Variants in FMN2 observed in about 807,000 individuals in gnomAD.
The protein encoded by FMN2 is formin 2.
In FMN2, 51 loss-of-function variants were observed where a neutral mutation model predicts 142.3. The observed-to-expected ratio is 0.36, with a 90% CI of 0.29 to 0.45. The LOEUF (loss-of-function observed/expected upper bound fraction) is 0.45. Ranked by LOEUF, FMN2 falls within the 20% of genes least tolerant of loss-of-function variation. FMN2 has a pLI of 1.00. For synonymous variants in FMN2, 882 were observed against 869.8 expected, an observed-to-expected ratio of 1.01 and a Z score of -0.25; for missense variants, 1,936 against 2,122.8, an observed-to-expected ratio of 0.91 and a Z score of 1.73.
chr1:240,092,362 T>C lies in FMN2; in HGVS notation c.253T>C (p.Ser85Pro), dbSNP rs1213234881. The C allele has an allele frequency of 6.2e-7, 1 of 1,609,092 alleles. No homozygotes were observed. Among genetic ancestry groups the C allele is most frequent in the African/African-American group, 1.3e-5 (1 of 74,720 alleles). ...FSNLRIRKNLSKGKGAGGSRE... is the reference protein window; with the variant it reads ...FSNLRIRKNLPKGKGAGGSRE... ...CAACCTGCGGATCAGGAAGAATCTG[T>C]CCAAGGGGAAAGGCGCCGGCGGCTC... The change falls in exon 1 of 18, where the codon TCC (serine) becomes CCC (proline). Residue 85 changes from serine (S) to proline (P), a missense_variant. Physicochemically the swap from Ser to Pro is moderately conservative, Grantham distance 74. Coordinates refer to ENST00000319653, the MANE Select transcript of FMN2 (RefSeq NM_020066.5).
chr1:240,363,791 C>T (rs1411820324), intron 14 of FMN2, among the ~76,000 whole-genome samples: 1 of 152,122 alleles, frequency 6.6e-6, no homozygotes, highest in Non-Finnish European at 1.5e-5. Flanking sequence ...TGCCCTTGTA[C>T]TACCTTGTCC....
chr1:240,415,627 C>G (rs12138124), intron 15 of FMN2, among the ~76,000 whole-genome samples: 112,570 of 152,084 alleles, frequency 0.74, 43,361 homozygotes, highest in Middle Eastern at 0.85. Flanking sequence ...CACCTGCACT[C>G]GGTGTAAAAA....
rs531477121 is a variant in FMN2, at chr1:240,270,622, AAATATAT to A, written c.4153+12599_4153+12605del. Reference sequence around the variant, plus strand: ...TGTCCATCAACAGATGATTGCATTAAAATATATAATATATATATACACAATGAAATAC... The same window carrying A: ...TGTCCATCAACAGATGATTGCATTAAAATATATATATACACAATGAAATAC... On this transcript the variant is annotated intron_variant, in intron 7 of 17. Coordinates refer to ENST00000319653, the MANE Select transcript of FMN2 (RefSeq NM_020066.5). 3.5e-3 allele frequency among the ~76,000 whole-genome samples: 537 copies of A among 152,208 alleles called. 1 individual carries two copies. Among genetic ancestry groups the A allele is most frequent in the Non-Finnish European group, 3.5e-3 (239 of 67,984 alleles).
At chr1:240,440,601 G>A (rs1675577256) in intron 16 of FMN2, among the ~76,000 whole-genome samples, 1 of 152,138 alleles carries the variant, frequency 6.6e-6, no homozygotes, top group South Asian at 2.1e-4. Context: ...TTGCGAATTG[G>A]CAGTTTACAA....
intron 14 of FMN2, among the ~76,000 whole-genome samples, chr1:240,361,096 T>A (rs1183603780): frequency 1.4e-5 from 2 of 145,552 alleles, no homozygotes; most frequent in African/African-American, 2.5e-5. Flanking sequence ...ATTGTGCACA[T>A]GTACCCTAGA....
chr1:240,130,856 G>A (rs1031750809), intron 2 of FMN2, among the ~76,000 whole-genome samples: 1 of 151,708 alleles, frequency 6.6e-6, no homozygotes, highest in Non-Finnish European at 1.5e-5. Flanking sequence ...TTTAGGTCAG[G>A]TTCTTCGTAT....
chr1:240,334,373 C>T, intron 13 of FMN2, 144 bp downstream of exon 13: 1 of 988,864 alleles, frequency 1.0e-6, no homozygotes. Flanking sequence ...AACAATTTTG[C>T]CTATATTCTT....
Position 240,092,043 on chromosome 1 carries a change from TG to T in FMN2, c.-63del. The T allele has an allele frequency of 6.7e-7, 1 of 1,491,194 alleles. No individual in the cohort carries two copies. Among genetic ancestry groups the T allele is most frequent in the Non-Finnish European group, 8.9e-7 (1 of 1,124,976 alleles). 92.4% of individuals were successfully genotyped at this position (1,491,194 alleles called of 1,614,324 possible). A position where few individuals can be genotyped will look rare whatever the true frequency, so the allele number is the denominator to read the frequency against. ...CCGGGAGACTCCCTAGGCCCGGACC[TG>T]GGGCCGAGGAGGGCCGGGATGGCCT... On this transcript the variant is annotated 5_prime_UTR_variant, in exon 1 of 18. The change abolishes the stop of an existing upstream ORF in the 5' untranslated region. Transcript: ENST00000319653.
intron 15 of FMN2, among the ~76,000 whole-genome samples, chr1:240,416,107 A>G (rs932181097): frequency 1.3e-5 from 2 of 152,110 alleles, no homozygotes; most frequent in African/African-American, 4.8e-5. Context: ...GCCTGGGGGA[A>G]GTAACTCCTC....
chr1:240,309,562 C>T (rs567820613), intron 8 of FMN2, among the ~76,000 whole-genome samples: 10 of 152,244 alleles, frequency 6.6e-5, no homozygotes, highest in South Asian at 2.1e-4. Flanking sequence ...CTCTGCACTC[C>T]GGGTATGCTG....
At chr1:240,160,639 A>C (rs760508125) in intron 2 of FMN2, among the ~76,000 whole-genome samples, 2 of 151,934 alleles carry the variant, frequency 1.3e-5, no homozygotes, top group African/African-American at 2.4e-5. Flanking sequence ...AATTATAAGA[A>C]ATCTACAGCA....
At position 240,186,332 on chromosome 1, in the gene FMN2, A is replaced by G. The variant is rs142806089; in HGVS notation, c.1931-1875A>G. 8.4e-3 allele frequency among the ~76,000 whole-genome samples: 1,281 copies of G among 152,286 alleles called. 5 individuals are homozygous for G. The highest frequency in any genetic ancestry group is 0.014 in the South Asian group (69 of 4,824). On this transcript the variant is annotated intron_variant, in intron 3 of 17. Coordinates refer to ENST00000319653, the MANE Select transcript of FMN2 (RefSeq NM_020066.5). ...TCATTCACTCCTACAATTACTCAAC[A>G]AATATTTTAAGCACCTACTAAGTAC...
At chr1:240,178,209 G>A in intron 3 of FMN2, 141 bp downstream of exon 3, 1 of 978,684 alleles carries the variant, frequency 1.0e-6, no homozygotes, top group Non-Finnish European at 1.4e-6. Flanking sequence ...TTTTTACTTT[G>A]GGGTCTTTTC....
rs1291898544 is a variant in FMN2 at position 240,207,526 on chromosome 1, C to A, written c.2714C>A (p.Thr905Lys). The change falls in exon 5 of 18, where the codon ACA becomes AAA. Residue 905 changes from threonine to lysine, a missense_variant. By Grantham distance (78) the Thr-to-Lys change is moderately conservative (BLOSUM62 -1). Around this residue, in one of 8 missense-constraint regions of FMN2, gnomAD observed 478 missense variants for 462.8 expected, o/e 1.03. Coordinates refer to ENST00000319653, the MANE Select transcript of FMN2 (RefSeq NM_020066.5). ...AIPQPPPLQG[T>K]EMLPPPPPPL... The stretch of plus-strand genomic sequence containing the variant: ...CCCCAACCTCCTCCTCTGCAGGGTA[C>A]AGAAATGCTGCCACCCCCTCCCCCT... 6.2e-7 allele frequency: 1 copy of A among 1,613,236 alleles called. No individual in the cohort carries two copies. Among genetic ancestry groups the A allele is most frequent in the Non-Finnish European group, 8.5e-7 (1 of 1,179,794 alleles).
intron 13 of FMN2, among the ~76,000 whole-genome samples, chr1:240,346,133 T>C (rs770168834): frequency 1.5e-4 from 23 of 152,082 alleles, no homozygotes; most frequent in Non-Finnish European, 3.1e-4. Context: ...TACAGTAGTC[T>C]CCCCTTATCT....
At chr1:240,155,305 A>G (rs1361310658) in intron 2 of FMN2, among the ~76,000 whole-genome samples, 1 of 151,744 alleles carries the variant, frequency 6.6e-6, no homozygotes, top group Admixed American at 6.6e-5. Context: ...TTTTTAACCA[A>G]TCTCATTCTG....
At chr1:240,170,291 C>G in intron 2 of FMN2, 1 of 1,104,480 alleles carries the variant, frequency 9.1e-7, no homozygotes, top group Non-Finnish European at 1.4e-6. Flanking sequence ...AAGATCATTG[C>G]CACTGCAGTT....
chr1:240,368,268 A>G lies in FMN2; in HGVS notation c.4858+12360A>G, dbSNP rs1427748926. Among the ~76,000 whole-genome samples, 3 of 152,196 alleles carry G rather than the reference A, an allele frequency of 2.0e-5. No individual in the cohort carries two copies. The East Asian group carries it at 5.8e-4, about 29-fold the overall frequency. ...AGTTGTTAAGTTCCACCAAAACAAA[A>G]CTATTAGGATTCTGACACAATTACA... On this transcript the variant is annotated intron_variant, in intron 14 of 17. Coordinates refer to ENST00000319653, the MANE Select transcript of FMN2 (RefSeq NM_020066.5).
At chr1:240,334,445 T>C (rs1010514905) in intron 13 of FMN2, among the ~76,000 whole-genome samples, 2 of 152,244 alleles carry the variant, frequency 1.3e-5, no homozygotes, top group African/African-American at 4.8e-5. Context: ...AATATCTTGG[T>C]TATTTCAATT....
Sources: allele counts gnomAD v4.1 joint callset (sites outside exome capture counted in the v4.1 genomes callset), GRCh38; gene constraint gnomAD v4.1.1; regional missense constraint gnomAD v4.1.1; transcripts MANE v1.5; gene names NCBI Gene and HGNC (gene_info 2026-07-23, HGNC 2026-07-21).